Variants in AKAP9 observed in about 807,000 individuals in gnomAD.
AKAP9 encodes the protein A-kinase anchoring protein 9, also known as A-kinase anchor protein 9.
Under a neutral mutation model 488.5 loss-of-function variants are expected in AKAP9, and 311 were observed. That is an observed-to-expected ratio of 0.64 (90% CI 0.58 to 0.70). AKAP9 has a LOEUF of 0.70. AKAP9 is among the 30% of genes least tolerant of loss of function. The pLI is 0.00. For synonymous variants in AKAP9, 1,462 were observed against 1,483.5 expected (o/e 0.99, Z 0.33); for missense variants, 4,215 against 4,374.5 (o/e 0.96, Z 1.03).
chr7:91,970,699 G>T (rs1472807304), intron 1 of AKAP9, among the ~76,000 whole-genome samples: 1 of 152,134 alleles, frequency 6.6e-6, no homozygotes, highest in Non-Finnish European at 1.5e-5. Flanking sequence ...TATGGTATCT[G>T]TTGAGAAGTC....
At chr7:92,069,956 G>A (rs1031923829) in intron 26 of AKAP9, 74 bp from the exon 27 acceptor site, 2 of 1,330,648 alleles carry the variant, frequency 1.5e-6, no homozygotes, top group Middle Eastern at 2.6e-4. Context: ...TCCAAAATGA[G>A]GGATAACTCA....
chr7:92,002,794 G>A lies in AKAP9; in HGVS notation c.2877G>A (p.Leu959=). The part of the protein sequence containing the change: ...KREKLELSQR[L]SDLSEQLKQK... ...AGAAATTAGAGCTGTCACAGAGACTGTCTGATCTTTCTGAACAATTGAAAC... is the reference window on the plus strand; with the variant it reads ...AGAAATTAGAGCTGTCACAGAGACTATCTGATCTTTCTGAACAATTGAAAC... The change falls in exon 8 of 50, where the codon CTG becomes CTA. Residue 959 remains leucine, a synonymous_variant. Transcript: ENST00000356239. The A allele has an allele frequency of 6.2e-7, 1 of 1,613,680 alleles. No individual in the cohort carries two copies.
chr7:92,032,229 G>A (rs1245752245), intron 16 of AKAP9, among the ~76,000 whole-genome samples: 1 of 152,166 alleles, frequency 6.6e-6, no homozygotes, highest in Non-Finnish European at 1.5e-5. Flanking sequence ...GGGTGCAGTG[G>A]CTCACGCCTG....
intron 1 of AKAP9, among the ~76,000 whole-genome samples, chr7:91,958,309 T>G (rs1003106046): frequency 2.0e-5 from 3 of 152,258 alleles, no homozygotes; most frequent in Non-Finnish European, 4.4e-5. Context: ...CATTTTATGC[T>G]GTTGAGAGAG....
intron 16 of AKAP9, among the ~76,000 whole-genome samples, chr7:92,032,049 G>A (rs1195682969): frequency 6.6e-6 from 1 of 152,180 alleles, no homozygotes; most frequent in Non-Finnish European, 1.5e-5. Flanking sequence ...AAGTGAAGGA[G>A]TTTATCAATG....
intron 45 of AKAP9, among the ~76,000 whole-genome samples, chr7:92,102,161 T>A (rs1563150314): frequency 7.3e-6 from 1 of 137,224 alleles, no homozygotes; most frequent in Non-Finnish European, 1.6e-5. Flanking sequence ...GTCTCATAAA[T>A]TTAAAAAAAA....
chr7:92,016,038 A>T, intron 10 of AKAP9, 91 bp from the exon 11 acceptor site: 1 of 1,060,786 alleles, frequency 9.4e-7, no homozygotes. Flanking sequence ...TGCCATTTTG[A>T]CCGCCTTGCA....
rs1240832304 is a variant in AKAP9, at chr7:92,102,778, G to C, written c.11282G>C (p.Gly3761Ala). ...GAGGTGATCACCAATCGCCCAAAGG[G>C]CTTCACCAGGTTTCGGTCGGCCGTC... ...DLEVITNRPK[G>A]FTRFRSAVRV... Residue 3761 changes from glycine to alanine, a missense_variant, in exon 46 of 50, where the codon GGC (glycine) becomes GCC (alanine). By Grantham distance (60) the Gly-to-Ala change is moderately conservative. This residue lies in a region of AKAP9 where 253 missense variants were observed against 266.8 expected (regional missense o/e 0.95). Coordinates refer to ENST00000356239, the MANE Select transcript of AKAP9 (RefSeq NM_005751.5). 1 of 1,614,190 alleles carries C rather than the reference G, an allele frequency of 6.2e-7. No homozygotes were observed.
At chr7:92,024,439 G>GTGTA (rs147252810) in intron 14 of AKAP9, among the ~76,000 whole-genome samples, 46 of 147,082 alleles carry the variant, frequency 3.1e-4, no homozygotes, top group Admixed American at 2.2e-3. Context: ...ATGTGTGTGT[G>GTGTA]TATATATATA....
intron 3 of AKAP9, among the ~76,000 whole-genome samples, chr7:91,983,286 G>C (rs1349323053): frequency 2.6e-5 from 4 of 152,092 alleles, no homozygotes; most frequent in African/African-American, 9.7e-5. Flanking sequence ...CCACCTATGA[G>C]TGAGAACATG....
chr7:91,955,339 C>T (rs1248922748), intron 1 of AKAP9, among the ~76,000 whole-genome samples: 1 of 152,114 alleles, frequency 6.6e-6, no homozygotes, highest in Non-Finnish European at 1.5e-5. Context: ...AAAAAGAACA[C>T]CTCTATACCT....
Position 92,014,338 on chromosome 7 carries a change from T to G in AKAP9, c.3612+10T>G. On this transcript the variant is annotated intron_variant, in intron 10 of 49. Coordinates refer to ENST00000356239, the MANE Select transcript of AKAP9 (RefSeq NM_005751.5). ...TTCTTATTTTTTACAGGTAAAATGTTTAAAAGTACTTTTATGGCCAGATGT... is the reference window on the plus strand; with the variant it reads ...TTCTTATTTTTTACAGGTAAAATGTGTAAAAGTACTTTTATGGCCAGATGT... 1 of 1,584,854 alleles carries G rather than the reference T, an allele frequency of 6.3e-7. No homozygotes were observed. Among genetic ancestry groups the G allele is most frequent in the Non-Finnish European group, 8.7e-7 (1 of 1,155,178 alleles).
Position 92,040,742 on chromosome 7 carries a change from G to A in AKAP9, c.4761G>A (p.Leu1587=). 1 of 1,612,440 alleles carries A rather than the reference G, an allele frequency of 6.2e-7. No homozygotes were observed. The highest frequency in any genetic ancestry group is 8.5e-7 in the Non-Finnish European group (1 of 1,179,718). The change falls in exon 18 of 50, where the codon TTG becomes TTA. Residue 1587 remains leucine (L), a synonymous_variant. Coordinates refer to ENST00000356239, the MANE Select transcript of AKAP9 (RefSeq NM_005751.5). Reference sequence around the variant, plus strand: ...AACTAATGTTGAATGAAGAACAGTTGGAAGATATGAGACAGGAACTTGTAC... The same window carrying A: ...AACTAATGTTGAATGAAGAACAGTTAGAAGATATGAGACAGGAACTTGTAC... The part of the protein sequence containing the change: ...SRQLMLNEEQ[L]EDMRQELVRQ...
chr7:92,087,458 G>A (rs1349398074), intron 37 of AKAP9, among the ~76,000 whole-genome samples: 1 of 152,104 alleles, frequency 6.6e-6, no homozygotes, highest in African/African-American at 2.4e-5. Context: ...GGGTGAAATG[G>A]ACAGATTTTC....
intron 7 of AKAP9, among the ~76,000 whole-genome samples, chr7:91,998,004 G>C (rs546252848): frequency 1.3e-5 from 2 of 152,264 alleles, no homozygotes; most frequent in Non-Finnish European, 2.9e-5. Flanking sequence ...TTTGGCACCA[G>C]GGCCAGTTTC....
intron 28 of AKAP9, among the ~76,000 whole-genome samples, chr7:92,071,383 G>A (rs978070417): frequency 4.1e-5 from 6 of 146,326 alleles, no homozygotes; most frequent in Non-Finnish European, 7.4e-5. Context: ...CTGCTTTGCT[G>A]TGTGGTTTTT....
chr7:92,045,144 G>A lies in AKAP9; in HGVS notation c.5299G>A (p.Ala1767Thr). ...TAGATCTAGTAAAAGCCAGTCATCTGCCAGCCTAATTTGGAGGTCAGAAGC... is the reference window on the plus strand; with the variant it reads ...TAGATCTAGTAAAAGCCAGTCATCTACCAGCCTAATTTGGAGGTCAGAAGC... ...LDRSSKSQSS[A>T]SLIWRSEAEA... Residue 1767 changes from alanine to threonine, a missense_variant, in exon 21 of 50, where the codon GCC becomes ACC. Ala to Thr is a moderately conservative substitution (Grantham distance 58). Around this residue, in one of 5 missense-constraint regions of AKAP9, gnomAD observed 2,361 missense variants for 2,430.0 expected, o/e 0.97. Transcript: ENST00000356239. 6.2e-7 allele frequency: 1 copy of A among 1,613,626 alleles called. No homozygotes were observed. Among genetic ancestry groups the A allele is most frequent in the Middle Eastern group, 1.7e-4 (1 of 6,060 alleles).
intron 1 of AKAP9, among the ~76,000 whole-genome samples, chr7:91,950,720 A>T (rs1282260944): frequency 6.6e-6 from 1 of 152,160 alleles, no homozygotes; most frequent in East Asian, 1.9e-4. Flanking sequence ...TACGCCGTTT[A>T]TATCCTCTAC....
At chr7:92,031,710 A>G (rs2130757805) in intron 16 of AKAP9, 106 bp downstream of exon 16, 1 of 876,654 alleles carries the variant, frequency 1.1e-6, no homozygotes, top group South Asian at 1.5e-5. Flanking sequence ...AGTTTCATAT[A>G]TAGTTCATCT....
Sources: gnomAD v4.1 joint callset for allele counts (sites outside exome capture counted in the v4.1 genomes callset) on GRCh38, gnomAD v4.1.1 for gene constraint, gnomAD v4.1.1 regional missense constraint, MANE v1.5 for transcripts, NCBI Gene and HGNC (gene_info 2026-07-23, HGNC 2026-07-21) for gene names.